Variants in DPH6 observed in about 807,000 individuals in gnomAD.
DPH6 encodes diphthine--ammonia ligase.
DPH6 carries 33 observed loss-of-function variants against 38.2 expected under a neutral mutation model. That is an observed-to-expected ratio of 0.86 (90% CI 0.65 to 1.15). The LOEUF (loss-of-function observed/expected upper bound fraction) is 1.15. Among genes scored for constraint, DPH6 ranks in the 50% most tolerant of loss-of-function variants. The pLI is 0.00. For synonymous variants in DPH6, 108 were observed against 103.0 expected (o/e 1.05, Z -0.30); for missense variants, 325 against 320.0 (o/e 1.02, Z -0.12).
At chr15:35,491,619 T>C (rs1233432389) in intron 3 of DPH6, among the ~76,000 whole-genome samples, 4 of 151,684 alleles carry the variant, frequency 2.6e-5, no homozygotes, top group South Asian at 2.1e-4. Context: ...TATATCGATA[T>C]ATAGATTTAT....
the DPH6 span, among the ~76,000 whole-genome samples, chr15:35,156,053 G>A: frequency 1.3e-5 from 2 of 152,068 alleles, no homozygotes; most frequent in Non-Finnish European, 2.9e-5. Flanking sequence ...GAAATTAAGG[G>A]AATCCTGAAT....
At chr15:35,483,857 A>C (rs1184216037) in intron 3 of DPH6, among the ~76,000 whole-genome samples, 1 of 152,242 alleles carries the variant, frequency 6.6e-6, no homozygotes, top group African/African-American at 2.4e-5. Context: ...CAGCAATAAA[A>C]AGAAATGAAG....
downstream of DPH6, among the ~76,000 whole-genome samples, chr15:35,214,111 C>CA (rs202243463): frequency 6.2e-3 from 530 of 85,204 alleles, 4 homozygotes; most frequent in Middle Eastern, 0.015. Flanking sequence ...GACTCCGTCT[C>CA]AAAAAAAAAA....
chr15:35,297,332 G>GTTT (rs34357081), intron 3 of DPH6, among the ~76,000 whole-genome samples: 1 of 139,306 alleles, frequency 7.2e-6, no homozygotes. Flanking sequence ...CCCTCCCTCA[G>GTTT]TTTTTTTTTT....
At chr15:35,245,232 C>CTTTTTTTTTTT (rs71123123) in intron 3 of DPH6, among the ~76,000 whole-genome samples, 29 of 81,382 alleles carry the variant, frequency 3.6e-4, no homozygotes, top group African/African-American at 4.5e-4. Context: ...ATTGTTCTTG[C>CTTTTTTTTTTT]TTTTTTTTTT....
At chr15:35,287,556 C>T (rs1222048856) in intron 3 of DPH6, among the ~76,000 whole-genome samples, 1 of 152,006 alleles carries the variant, frequency 6.6e-6, no homozygotes, top group Non-Finnish European at 1.5e-5. Context: ...TGAGCTGTGC[C>T]CCAGGGTAAT....
At chr15:35,394,800 T>C (rs2053109355) in intron 6 of DPH6, among the ~76,000 whole-genome samples, 3 of 152,318 alleles carry the variant, frequency 2.0e-5, no homozygotes, top group Admixed American at 2.0e-4. Flanking sequence ...AAAAGTGCCG[T>C]CTAGCACATA....
chr15:35,224,638 A>G (rs1595434961), intron 3 of DPH6, among the ~76,000 whole-genome samples: 1 of 152,202 alleles, frequency 6.6e-6, no homozygotes, highest in African/African-American at 2.4e-5. Context: ...TTTTGTATAA[A>G]ACTGCTAAAC....
At chr15:35,314,765 T>C (rs191190309) in intron 3 of DPH6, among the ~76,000 whole-genome samples, 2 of 152,010 alleles carry the variant, frequency 1.3e-5, no homozygotes, top group East Asian at 3.9e-4. Context: ...TTAGCAAAAA[T>C]AAAAAAAATC....
chr15:35,482,111 A>T (rs1337414044), intron 3 of DPH6, among the ~76,000 whole-genome samples: 1 of 152,184 alleles, frequency 6.6e-6, no homozygotes, highest in African/African-American at 2.4e-5. Flanking sequence ...GAGAGGGTTG[A>T]CTAGATTTGA....
intron 3 of DPH6, among the ~76,000 whole-genome samples, chr15:35,287,792 C>T (rs1367333112): frequency 2.0e-5 from 3 of 152,012 alleles, no homozygotes; most frequent in Non-Finnish European, 2.9e-5. Context: ...ACTGAACTGC[C>T]GGCATTAATC....
chr15:35,152,529 T>C, the DPH6 span, among the ~76,000 whole-genome samples: 1 of 152,220 alleles, frequency 6.6e-6, no homozygotes, highest in Non-Finnish European at 1.5e-5. Context: ...GATGGAGTTC[T>C]GCTCTTGTTG....
chr15:35,176,653 T>C, the DPH6 span, among the ~76,000 whole-genome samples: 1 of 152,282 alleles, frequency 6.6e-6, no homozygotes, highest in South Asian at 2.1e-4. Flanking sequence ...GTATTTTTAG[T>C]AGAGATGGGG....
At chr15:35,368,604 G>T (rs2140916180), downstream of DPH6, among the ~76,000 whole-genome samples, 1 of 152,006 alleles carries the variant, frequency 6.6e-6, no homozygotes, top group South Asian at 2.1e-4. Context: ...CATGGGGATG[G>T]AAATATGTGC....
downstream of DPH6, among the ~76,000 whole-genome samples, chr15:35,214,296 A>G (rs1008449214): frequency 5.3e-5 from 8 of 152,198 alleles, no homozygotes; most frequent in African/African-American, 1.9e-4. Context: ...GAGCATTCAC[A>G]ATGCCACTAG....
Position 35,241,426 on chromosome 15 carries a change from A to G in DPH6, n.201-20844T>C, listed in dbSNP as rs1319044494. On this transcript the variant is annotated intron_variant and non_coding_transcript_variant, in intron 3 of 3. Transcript: ENST00000560386. Reference sequence around the variant, plus strand: ...CTCCATAACTGTTGTGGGTATTGACAGCCAGGCTTCTAAACCTCTTAAAAC... The same window carrying G: ...CTCCATAACTGTTGTGGGTATTGACGGCCAGGCTTCTAAACCTCTTAAAAC... Among the ~76,000 whole-genome samples the G allele has an allele frequency of 2.1e-5, 3 of 143,518 alleles. 1 individual carries two copies. The highest frequency in any genetic ancestry group is 2.4e-4 in the South Asian group (1 of 4,104). 94.2% of individuals were successfully genotyped at this position (143,518 alleles called of 152,430 possible). A position where few individuals can be genotyped will look rare whatever the true frequency, so the allele number is the denominator to read the frequency against.
chr15:35,254,482 G>C (rs1044553365), intron 3 of DPH6, among the ~76,000 whole-genome samples: 1 of 152,122 alleles, frequency 6.6e-6, no homozygotes, highest in Admixed American at 6.6e-5. Flanking sequence ...AAATTTCATT[G>C]ACCTACTTTC....
chr15:35,237,854 G>C, intron 3 of DPH6: 1 of 1,528,328 alleles, frequency 6.5e-7, no homozygotes, highest in South Asian at 1.1e-5. Context: ...TGAGGATGAG[G>C]AGGAGTATGA....
chr15:35,456,929 C>A (rs1253953190), intron 3 of DPH6, among the ~76,000 whole-genome samples: 1 of 152,022 alleles, frequency 6.6e-6, no homozygotes. Context: ...ATCTTCTACT[C>A]CCATCTATTT....
Sources: allele counts gnomAD v4.1 joint callset (sites outside exome capture counted in the v4.1 genomes callset), GRCh38; gene constraint gnomAD v4.1.1; transcripts MANE v1.5; gene names NCBI Gene and HGNC (gene_info 2026-07-23, HGNC 2026-07-21).